Variants in RANBP2 observed in about 807,000 individuals in gnomAD.
RANBP2 encodes the protein RAN binding protein 2, also known as E3 SUMO-protein ligase RanBP2.
In RANBP2, 57 loss-of-function variants were observed where a neutral mutation model predicts 303.6. The observed-to-expected ratio is 0.19, with a 90% CI of 0.15 to 0.23. The LOEUF is 0.23. Among genes scored for constraint, RANBP2 ranks in the 10% least tolerant of loss-of-function variants. The pLI, the probability that RANBP2 is intolerant of heterozygous loss-of-function variation, is 1.00. For synonymous variants in RANBP2, 1,167 were observed against 1,301.5 expected (o/e 0.90, Z 2.23); for missense variants, 3,138 against 3,780.8 (o/e 0.83, Z 4.46).
the RANBP2 span, among the ~76,000 whole-genome samples, chr2:109,076,889 C>T: frequency 3.3e-5 from 5 of 150,356 alleles, no homozygotes; most frequent in Non-Finnish European, 7.4e-5. Flanking sequence ...AATAGGAAAA[C>T]AATTCTGAAA....
chr2:108,910,797 C>T, the RANBP2 span: 20 of 1,613,522 alleles, frequency 1.2e-5, no homozygotes, highest in African/African-American at 5.3e-5. Flanking sequence ...TTCTTCTCCT[C>T]GTCCTTGCTC....
the RANBP2 span, among the ~76,000 whole-genome samples, chr2:109,541,466 C>G: frequency 3.9e-5 from 6 of 152,326 alleles, no homozygotes; most frequent in South Asian, 8.3e-4. Context: ...CCAGCTCCCC[C>G]TGCCTGCCAG....
the RANBP2 span, among the ~76,000 whole-genome samples, chr2:109,715,095 G>A: frequency 7.9e-5 from 12 of 151,932 alleles, no homozygotes; most frequent in African/African-American, 2.9e-4. Context: ...AGCCTCCCAG[G>A]TAGCTGGGAT....
chr2:109,125,395 AC>A, the RANBP2 span, among the ~76,000 whole-genome samples: 1 of 152,226 alleles, frequency 6.6e-6, no homozygotes, highest in Non-Finnish European at 1.5e-5. Flanking sequence ...AACCTGACAT[AC>A]AGCCGTCCAG....
the RANBP2 span, among the ~76,000 whole-genome samples, chr2:109,046,087 G>C: frequency 6.6e-6 from 1 of 151,700 alleles, no homozygotes; most frequent in Admixed American, 6.6e-5. Flanking sequence ...GGCAGATCAC[G>C]AGGTCAGGAG....
the RANBP2 span, among the ~76,000 whole-genome samples, chr2:108,847,311 C>T: frequency 6.6e-6 from 1 of 152,182 alleles, no homozygotes; most frequent in African/African-American, 2.4e-5. Flanking sequence ...AGTTTTCTCC[C>T]ACAACCATGC....
At chr2:109,679,977 G>T in the RANBP2 span, among the ~76,000 whole-genome samples, 2 of 152,208 alleles carry the variant, frequency 1.3e-5, no homozygotes, top group African/African-American at 2.4e-5. Context: ...CAAAAGTGTT[G>T]TATGCTTCGT....
the RANBP2 span, among the ~76,000 whole-genome samples, chr2:109,278,010 C>CA: frequency 0.14 from 11,584 of 81,370 alleles, 1,064 homozygotes; most frequent in East Asian, 0.36. Flanking sequence ...CTGTCTCTAA[C>CA]AAAAAAAAAA....
the RANBP2 span, among the ~76,000 whole-genome samples, chr2:109,218,727 T>G: frequency 6.6e-6 from 1 of 152,366 alleles, no homozygotes; most frequent in African/African-American, 2.4e-5. Flanking sequence ...TTTGGCACTT[T>G]GTTCTCTAAG....
the RANBP2 span, among the ~76,000 whole-genome samples, chr2:108,817,276 A>T: frequency 4.6e-5 from 7 of 151,678 alleles, no homozygotes; most frequent in Non-Finnish European, 1.0e-4. Flanking sequence ...GCCATGAGAC[A>T]TGGAATTCAG....
the RANBP2 span, among the ~76,000 whole-genome samples, chr2:109,480,358 A>T: frequency 2.6e-5 from 4 of 151,480 alleles, no homozygotes; most frequent in Non-Finnish European, 5.9e-5. Context: ...GGAGAACTGA[A>T]CAGAAGACAT....
At chr2:109,109,004 T>C in the RANBP2 span, among the ~76,000 whole-genome samples, 1 of 152,244 alleles carries the variant, frequency 6.6e-6, no homozygotes, top group African/African-American at 2.4e-5. Context: ...ATTCTCACTG[T>C]ATGCTTTCAC....
At chr2:108,971,201 A>G in the RANBP2 span, among the ~76,000 whole-genome samples, 1 of 152,104 alleles carries the variant, frequency 6.6e-6, no homozygotes, top group Non-Finnish European at 1.5e-5. Context: ...TCCTTGTTCC[A>G]TGAGGGTGGG....
At chr2:109,226,739 G>C in the RANBP2 span, among the ~76,000 whole-genome samples, 1 of 152,324 alleles carries the variant, frequency 6.6e-6, no homozygotes, top group African/African-American at 2.4e-5. Context: ...CGTGGTGCTG[G>C]ATCTTTAGGG....
chr2:109,317,142 A>G, the RANBP2 span, among the ~76,000 whole-genome samples: 6 of 152,022 alleles, frequency 3.9e-5, no homozygotes, highest in Admixed American at 6.5e-5. Flanking sequence ...AAATGTTTTC[A>G]TGAGATGTAA....
chr2:109,567,029 G>C, the RANBP2 span, among the ~76,000 whole-genome samples: 43 of 152,002 alleles, frequency 2.8e-4, no homozygotes, highest in Non-Finnish European at 5.9e-5. Flanking sequence ...TTTTTTTACA[G>C]ATTTAGTTTA....
chr2:109,338,933 A>G, the RANBP2 span, among the ~76,000 whole-genome samples: 1 of 152,260 alleles, frequency 6.6e-6, no homozygotes, highest in East Asian at 1.9e-4. Flanking sequence ...CAGTTGATCA[A>G]CACATATCTT....
chr2:109,217,286 T>C, the RANBP2 span, among the ~76,000 whole-genome samples: 1 of 152,192 alleles, frequency 6.6e-6, no homozygotes, highest in Non-Finnish European at 1.5e-5. Context: ...ATTATGGTTT[T>C]TCAAATACAG....
At chr2:109,498,213 A>G in the RANBP2 span, among the ~76,000 whole-genome samples, 31 of 152,274 alleles carry the variant, frequency 2.0e-4, no homozygotes, top group East Asian at 3.5e-3. Flanking sequence ...AGCCCATGGG[A>G]ACCAGTCCAA....
Sources: allele counts gnomAD v4.1 joint callset (sites outside exome capture counted in the v4.1 genomes callset), GRCh38; gene constraint gnomAD v4.1.1; transcripts MANE v1.5; gene names NCBI Gene and HGNC (gene_info 2026-07-23, HGNC 2026-07-21).